Variants in PPP2R5C observed in about 807,000 individuals in gnomAD.
PPP2R5C encodes the protein serine/threonine-protein phosphatase 2A 56 kDa regulatory subunit gamma isoform.
In PPP2R5C, 7 loss-of-function variants were observed where a neutral mutation model predicts 68.9. The ratio of observed to expected loss-of-function variants is 0.10; its 90% CI spans 0.06 to 0.19. PPP2R5C has a LOEUF of 0.19. Among genes scored for constraint, PPP2R5C ranks in the 10% least tolerant of loss-of-function variants. The pLI is 1.00. For synonymous variants in PPP2R5C, 210 were observed against 222.2 expected, an observed-to-expected ratio of 0.95 and a Z score of 0.49; for missense variants, 348 against 641.3, an observed-to-expected ratio of 0.54 and a Z score of 4.94.
intron 3 of PPP2R5C, among the ~76,000 whole-genome samples, chr14:101,788,106 G>C (rs1363449525): frequency 6.6e-6 from 1 of 152,212 alleles, no homozygotes; most frequent in Non-Finnish European, 1.5e-5. Context: ...CCCAGAGTCA[G>C]AGGGAGGGAA....
upstream of PPP2R5C, among the ~76,000 whole-genome samples, chr14:101,809,571 T>G (rs916215258): frequency 3.4e-5 from 5 of 147,292 alleles, no homozygotes; most frequent in Non-Finnish European, 7.5e-5. Flanking sequence ...TTTTTTTTTT[T>G]TTTTTTTGGT....
intron 3 of PPP2R5C, among the ~76,000 whole-genome samples, chr14:101,788,435 C>A (rs778772476): frequency 6.6e-6 from 1 of 152,206 alleles, no homozygotes; most frequent in African/African-American, 2.4e-5. Context: ...ATGCAAGTAC[C>A]GGTGTGTGCC....
At chr14:101,762,003 C>G (rs1401426084) in intron 1 of PPP2R5C, 83 bp downstream of exon 1, 2 of 1,138,032 alleles carry the variant, frequency 1.8e-6, no homozygotes, top group Non-Finnish European at 2.2e-6. Flanking sequence ...GTCCTGCGCC[C>G]GGGCCCCGGC....
rs1281597387 is a variant in PPP2R5C at position 101,886,275 on chromosome 14, C to T, written c.629+2713C>T. Among the ~76,000 whole-genome samples, 17 of 133,902 alleles carry T rather than the reference C, an allele frequency of 1.3e-4. No individual in the cohort carries two copies. In the East Asian group the frequency reaches 2.6e-3, roughly 20 times the overall value. 87.8% of individuals were successfully genotyped at this position (133,902 alleles called of 152,430 possible). A position where few individuals can be genotyped will look rare whatever the true frequency, so the allele number is the denominator to read the frequency against. ...CAGCCTGGGCGACAGAGCAAGACTC[C>T]GTCTCAAAAAAAAAAAAAAAAAGTA... On this transcript the variant is annotated intron_variant, in intron 5 of 13. Coordinates refer to ENST00000334743, the Ensembl canonical transcript of PPP2R5C.
intron 3 of PPP2R5C, among the ~76,000 whole-genome samples, chr14:101,802,585 G>A (rs575537796): frequency 3.3e-5 from 5 of 152,110 alleles, no homozygotes; most frequent in African/African-American, 1.2e-4. Context: ...TCTTGGCTAT[G>A]ATACCAAAAG....
rs2045883952 is a variant in PPP2R5C at position 101,904,119 on chromosome 14, G to A, written c.1023+2230G>A. On this transcript the variant is annotated intron_variant, in intron 9 of 13. Coordinates refer to ENST00000334743, the Ensembl canonical transcript of PPP2R5C. Reference sequence around the variant, plus strand: ...ATATTACCCCCAAATATATTGGTGGGTGGTGGGTGGGTGGATGGATGGATG... The same window carrying A: ...ATATTACCCCCAAATATATTGGTGGATGGTGGGTGGGTGGATGGATGGATG... 2.6e-5 allele frequency among the ~76,000 whole-genome samples: 4 copies of A among 152,286 alleles called. No individual in the cohort carries two copies. In the South Asian group the frequency reaches 8.3e-4, roughly 32 times the overall value.
At chr14:101,841,780 G>C (rs2041489500) in intron 1 of PPP2R5C, among the ~76,000 whole-genome samples, 1 of 152,232 alleles carries the variant, frequency 6.6e-6, no homozygotes, top group East Asian at 1.9e-4. Context: ...CTGGGGCAGT[G>C]GGGCCAGGTC....
chr14:101,761,216 G>A (rs1456804674), upstream of PPP2R5C, among the ~76,000 whole-genome samples: 4 of 152,204 alleles, frequency 2.6e-5, no homozygotes, highest in Admixed American at 2.6e-4. Flanking sequence ...AGCCGCGGCG[G>A]TGAGGGGGCA....
intron 3 of PPP2R5C, among the ~76,000 whole-genome samples, chr14:101,802,133 G>T (rs2038887549): frequency 6.6e-6 from 1 of 152,208 alleles, no homozygotes. Flanking sequence ...AGCGGGACCT[G>T]GCCGGGCGCG....
exon 14 of PPP2R5C, chr14:101,925,428 G>A (rs2047248175): frequency 7.6e-7 from 1 of 1,317,532 alleles, no homozygotes; most frequent in Non-Finnish European, 1.0e-6. Flanking sequence ...CGCGAGATTA[G>A]GAGTTCAAAC....
At chr14:101,776,933 T>C (rs2037452917) in intron 2 of PPP2R5C, among the ~76,000 whole-genome samples, 1 of 147,122 alleles carries the variant, frequency 6.8e-6, no homozygotes, top group African/African-American at 2.5e-5. Flanking sequence ...CAGGCTGGAG[T>C]GCAATGGCGT....
intron 1 of PPP2R5C, among the ~76,000 whole-genome samples, chr14:101,840,948 A>C (rs779090608): frequency 6.6e-6 from 1 of 152,228 alleles, no homozygotes; most frequent in African/African-American, 2.4e-5. Flanking sequence ...TTCTGTTACC[A>C]TCAGGAGAGT....
intron 2 of PPP2R5C, among the ~76,000 whole-genome samples, chr14:101,863,402 A>G (rs190789161): frequency 5.3e-4 from 80 of 150,094 alleles, no homozygotes; most frequent in Middle Eastern, 3.4e-3. Context: ...CCAAGTTGGG[A>G]TTTTTTTTTT....
chr14:101,801,969 T>G (rs967101484), intron 3 of PPP2R5C, among the ~76,000 whole-genome samples: 4 of 152,196 alleles, frequency 2.6e-5, no homozygotes, highest in African/African-American at 4.8e-5. Flanking sequence ...ATCAAGACTG[T>G]GTAGTACTGG....
At position 101,917,834 on chromosome 14, in the gene PPP2R5C, A is replaced by G. The variant is rs1193521236; in HGVS notation, c.1330A>G (p.Thr444Ala). 8.1e-6 allele frequency: 13 copies of G among 1,613,448 alleles called. No homozygotes were observed. In the Admixed American group the frequency reaches 2.0e-4, roughly 25 times the overall value. Residue 444 changes from threonine (T) to alanine (A), a missense_variant, in exon 13 of 14, where the codon ACA becomes GCA. Around this residue, in one of 4 missense-constraint regions of PPP2R5C, gnomAD observed 118 missense variants for 108.9 expected, o/e 1.08. Coordinates refer to ENST00000334743, the Ensembl canonical transcript of PPP2R5C. The surrounding 1 kb of genome is among the most constrained non-coding windows in gnomAD (Gnocchi z 4.4). ...GACTCCACGCTTTGCATTGCAGTAC[A>G]CAGTGTATAGTCAAGCCAGCACCAT...
At chr14:101,900,075 C>T (rs1194777209) in intron 8 of PPP2R5C, among the ~76,000 whole-genome samples, 1 of 151,762 alleles carries the variant, frequency 6.6e-6, no homozygotes, top group East Asian at 1.9e-4. Context: ...TGTGTAGAGA[C>T]AGGACCTCAC....
chr14:101,797,571 C>G lies in PPP2R5C; in HGVS notation c.259+11388C>G, dbSNP rs1263007612. On this transcript the variant is annotated intron_variant, in intron 3 of 14. Transcript: ENST00000328724. This position sits in a 1 kb window ranked among gnomAD's most constrained non-coding sequence, Gnocchi z 4.2. The stretch of plus-strand genomic sequence containing the variant: ...AAACCCCAGCCAGGGCCACCTATCC[C>G]TTCACCTCCCTCCACCTCGGATTTC... 7.7e-6 allele frequency: 2 copies of G among 261,306 alleles called. No homozygotes were observed. The highest frequency in any genetic ancestry group is 4.4e-5 in the African/African-American group (2 of 44,946). The allele number at this position is 261,306 out of a possible 1,614,324, so 16.2% of individuals were successfully genotyped here.
intron 3 of PPP2R5C, among the ~76,000 whole-genome samples, chr14:101,795,560 G>T (rs747402288): frequency 6.6e-6 from 1 of 151,676 alleles, no homozygotes; most frequent in Non-Finnish European, 1.5e-5. Context: ...TCATGGACTT[G>T]TTTTTTGAGG....
At chr14:101,849,367 C>G (rs1307547171) in intron 1 of PPP2R5C, among the ~76,000 whole-genome samples, 1 of 152,146 alleles carries the variant, frequency 6.6e-6, no homozygotes, top group Admixed American at 6.5e-5. Flanking sequence ...CAAAGCAGCT[C>G]CTTGAGGCAC....
Sources: gnomAD v4.1 joint callset for allele counts (sites outside exome capture counted in the v4.1 genomes callset) on GRCh38, gnomAD v4.1.1 for gene constraint, gnomAD v4.1.1 regional missense constraint, Gnocchi (gnomAD v3.1) non-coding constraint, MANE v1.5 for transcripts, NCBI Gene and HGNC (gene_info 2026-07-23, HGNC 2026-07-21) for gene names.